Variants in SLC2A9 observed in about 807,000 individuals in gnomAD.
SLC2A9 encodes the protein solute carrier family 2 member 9, also known as solute carrier family 2, facilitated glucose transporter member 9.
SLC2A9 carries 39 observed loss-of-function variants against 50.6 expected under a neutral mutation model. That is an observed-to-expected ratio of 0.77 (90% CI 0.60 to 1.01). The LOEUF (loss-of-function observed/expected upper bound fraction) is 1.01, where lower values mean the gene tolerates loss of function less well. SLC2A9 is among the 50% of genes least tolerant of loss of function. SLC2A9 has a pLI of 0.00. For missense variants in SLC2A9, 686 were observed against 677.6 expected (o/e 1.01, Z -0.14); for synonymous variants, 324 against 276.9 (o/e 1.17, Z -1.69).
rs4697904 is a variant in SLC2A9, at chr4:9,887,370, C to T, written c.1291+197G>A. On this transcript the variant is annotated intron_variant, in intron 10 of 11. Coordinates refer to ENST00000264784, the MANE Select transcript of SLC2A9 (RefSeq NM_020041.3). ...TCCCACTCATCTTCAGGTGAGTCCA[C>T]TTTCACCTTCTGTGGGATAGACTGC... Among the ~76,000 whole-genome samples the T allele has an allele frequency of 0.95, 145,025 of 152,294 alleles. 69,195 individuals are homozygous for T. Among genetic ancestry groups the T allele is most frequent in the Middle Eastern group, 0.97 (284 of 294 alleles).
At chr4:9,844,402 C>T (rs1158003507) in intron 10 of SLC2A9, among the ~76,000 whole-genome samples, 1 of 152,120 alleles carries the variant, frequency 6.6e-6, no homozygotes, top group Admixed American at 6.5e-5. Context: ...CTGTAGATAT[C>T]CTAAAAATAT....
At chr4:9,993,207 T>C (rs973316519) in intron 3 of SLC2A9, among the ~76,000 whole-genome samples, 13 of 152,238 alleles carry the variant, frequency 8.5e-5, no homozygotes, top group African/African-American at 3.1e-4. Flanking sequence ...TCAAAGCCCA[T>C]GTGTGTTTTC....
downstream of SLC2A9, among the ~76,000 whole-genome samples, chr4:9,778,950 T>G (rs774077061): frequency 5.9e-5 from 9 of 152,116 alleles, no homozygotes; most frequent in African/African-American, 1.2e-4. Context: ...GTATTTTTAG[T>G]AGAGACGGGG....
In SLC2A9 at chr4:10,006,043, T is replaced by C. The variant is rs1760726462; in HGVS notation, c.250-9102A>G. On this transcript the variant is annotated intron_variant, in intron 2 of 11. Transcript: ENST00000264784. ...AAAAACCGGAAATTGGGGTGGTTGG[T>C]GGTAGTGTTGTTGATATTTTTACTG... 2.6e-5 allele frequency among the ~76,000 whole-genome samples: 4 copies of C among 152,098 alleles called. No homozygotes were observed. In the East Asian group the frequency reaches 7.7e-4, roughly 29 times the overall value.
chr4:9,976,556 A>G (rs1754833182), intron 5 of SLC2A9, among the ~76,000 whole-genome samples: 1 of 152,224 alleles, frequency 6.6e-6, no homozygotes, highest in Non-Finnish European at 1.5e-5. Flanking sequence ...CCACATTCCC[A>G]GAGCATACAT....
intron 6 of SLC2A9, among the ~76,000 whole-genome samples, chr4:9,940,349 C>T (rs956898025): frequency 2.0e-5 from 3 of 152,182 alleles, no homozygotes; most frequent in South Asian, 2.1e-4. Flanking sequence ...CCACTACTTC[C>T]GTTTCCTGGT....
intron 3 of SLC2A9, among the ~76,000 whole-genome samples, chr4:9,793,458 G>A (rs1422182817): frequency 1.3e-5 from 2 of 152,214 alleles, no homozygotes. Flanking sequence ...ACAAGTTCAT[G>A]CCCTATTCTT....
chr4:9,892,688 A>G (rs1349689429), intron 8 of SLC2A9, among the ~76,000 whole-genome samples: 2 of 152,220 alleles, frequency 1.3e-5, no homozygotes, highest in Non-Finnish European at 2.9e-5. Flanking sequence ...TAGACTCATG[A>G]ACAAAAGAGG....
intron 5 of SLC2A9, among the ~76,000 whole-genome samples, chr4:9,966,526 G>A (rs370772197): frequency 6.6e-6 from 1 of 151,898 alleles, no homozygotes. Context: ...TGTGGTGGTG[G>A]ATGCCTGTAG....
intron 8 of SLC2A9, among the ~76,000 whole-genome samples, chr4:9,894,496 T>G (rs558137636): frequency 6.6e-6 from 1 of 152,162 alleles, no homozygotes; most frequent in Admixed American, 6.5e-5. Flanking sequence ...CTCCGGAGAG[T>G]TTTGACTTAA....
downstream of SLC2A9, among the ~76,000 whole-genome samples, chr4:9,778,403 G>A (rs1419390799): frequency 1.3e-5 from 2 of 151,936 alleles, no homozygotes; most frequent in African/African-American, 4.8e-5. Flanking sequence ...TACAGGTGTG[G>A]GCCACCGCAC....
intron 3 of SLC2A9, among the ~76,000 whole-genome samples, chr4:9,810,507 G>C (rs1304082087): frequency 6.6e-6 from 1 of 152,196 alleles, no homozygotes; most frequent in African/African-American, 2.4e-5. Flanking sequence ...CTTAGTATCT[G>C]ATAATTAGTT....
downstream of SLC2A9, among the ~76,000 whole-genome samples, chr4:9,779,072 A>G (rs1355995633): frequency 6.6e-6 from 1 of 152,024 alleles, no homozygotes; most frequent in Admixed American, 6.5e-5. Flanking sequence ...GGCTGGTCTC[A>G]TCACACTTTC....
chr4:9,868,103 C>T lies in SLC2A9; in HGVS notation c.1291+19464G>A, dbSNP rs534520275. Reference sequence around the variant, plus strand: ...CCAAGTGGTGGATTTGCGCCTGACCCGGGATAGTCCCATGCCCTCCTCTGT... The same window carrying T: ...CCAAGTGGTGGATTTGCGCCTGACCTGGGATAGTCCCATGCCCTCCTCTGT... On this transcript the variant is annotated intron_variant, in intron 10 of 11. Transcript: ENST00000264784. 4.6e-5 allele frequency among the ~76,000 whole-genome samples: 7 copies of T among 152,336 alleles called. No individual in the cohort carries two copies. In the East Asian group the frequency reaches 1.2e-3, roughly 25 times the overall value.
chr4:9,821,944 C>G (rs753839675), downstream of SLC2A9, among the ~76,000 whole-genome samples: 1 of 152,046 alleles, frequency 6.6e-6, no homozygotes, highest in Non-Finnish European at 1.5e-5. Context: ...TCTATTTTTT[C>G]TTGAGTGACT....
chr4:9,938,616 T>C (rs1367618509), intron 6 of SLC2A9, among the ~76,000 whole-genome samples: 2 of 152,180 alleles, frequency 1.3e-5, no homozygotes, highest in Non-Finnish European at 2.9e-5. Flanking sequence ...TTATGTCTTA[T>C]AAATAAGAGT....
At chr4:9,977,240 G>C (rs1754951822) in intron 5 of SLC2A9, among the ~76,000 whole-genome samples, 1 of 152,218 alleles carries the variant, frequency 6.6e-6, no homozygotes, top group South Asian at 2.1e-4. Flanking sequence ...GTGTGTGAAA[G>C]GTGGCCCTAA....
intron 10 of SLC2A9, among the ~76,000 whole-genome samples, chr4:9,859,983 C>G (rs907099772): frequency 6.6e-6 from 1 of 152,186 alleles, no homozygotes; most frequent in Non-Finnish European, 1.5e-5. Flanking sequence ...GAGCAAAAAC[C>G]TTCCTGCTGA....
chr4:9,781,444 T>A (rs1386371843), intron 3 of SLC2A9, among the ~76,000 whole-genome samples: 2 of 152,170 alleles, frequency 1.3e-5, no homozygotes, highest in Non-Finnish European at 2.9e-5. Flanking sequence ...CCGGGGAGAA[T>A]TTTCCCCGGC....
Sources: allele counts gnomAD v4.1 joint callset (sites outside exome capture counted in the v4.1 genomes callset), GRCh38; gene constraint gnomAD v4.1.1; transcripts MANE v1.5; gene names NCBI Gene and HGNC (gene_info 2026-07-23, HGNC 2026-07-21).